The following DNAH6 variants were observed in gnomAD, a reference collection of about 807,000 sequenced individuals.
DNAH6 encodes axonemal beta dynein heavy chain 6.
A neutral mutation model predicts 491.4 loss-of-function variants in DNAH6; 340 were observed. That is an observed-to-expected ratio of 0.69 (90% CI 0.63 to 0.76). The LOEUF is 0.76. DNAH6 is among the 30% of genes least tolerant of loss of function. The pLI is 0.00. For missense variants in DNAH6, 4,443 were observed against 4,972.2 expected, an observed-to-expected ratio of 0.89 and a Z score of 3.20; for synonymous variants, 1,603 against 1,686.1, an observed-to-expected ratio of 0.95 and a Z score of 1.21.
intron 2 of DNAH6, among the ~76,000 whole-genome samples, chr2:84,519,908 T>C (rs1420861455): frequency 6.6e-6 from 1 of 152,106 alleles, no homozygotes; most frequent in Non-Finnish European, 1.5e-5. Flanking sequence ...TAATTGTGTG[T>C]ATTTGTAATA....
intron 11 of DNAH6, among the ~76,000 whole-genome samples, chr2:84,558,676 C>T (rs1680326737): frequency 6.6e-6 from 1 of 152,174 alleles, no homozygotes; most frequent in African/African-American, 2.4e-5. Context: ...CACTCAAATG[C>T]AAGCACTAAC....
chr2:84,624,715 T>C, intron 28 of DNAH6, 95 bp downstream of exon 28: 1 of 1,373,558 alleles, frequency 7.3e-7, no homozygotes. Context: ...CTTGAAAGAA[T>C]TTATTATGAA....
chr2:84,594,912 A>C (rs1684432644), intron 17 of DNAH6, among the ~76,000 whole-genome samples: 1 of 152,196 alleles, frequency 6.6e-6, no homozygotes, highest in Non-Finnish European at 1.5e-5. Flanking sequence ...AATATATGCT[A>C]TAACACCAGA....
intron 26 of DNAH6, 54 bp downstream of exon 26, chr2:84,621,605 T>G: frequency 1.7e-6 from 2 of 1,149,064 alleles, no homozygotes; most frequent in Non-Finnish European, 2.4e-6. Context: ...CTTGGTGGGT[T>G]TTTTTTTAAA....
At chr2:84,461,603 A>G in the DNAH6 span, among the ~76,000 whole-genome samples, 2 of 152,358 alleles carry the variant, frequency 1.3e-5, no homozygotes, top group South Asian at 2.1e-4. Context: ...TCCCTATTTC[A>G]TAAGAGTGTT....
intron 4 of DNAH6, among the ~76,000 whole-genome samples, chr2:84,529,551 A>G (rs1385022853): frequency 9.6e-5 from 1 of 10,388 alleles, no homozygotes; most frequent in Non-Finnish European, 1.4e-4. Flanking sequence ...AGTAGAAATA[A>G]GGATTTTTTT....
rs766203821 is a variant in DNAH6 at position 84,668,810 on chromosome 2, C to CTGTGTGTGTGTGTGTGTGTGTG, written c.6085-453_6085-432dup. On this transcript the variant is annotated intron_variant, in intron 37 of 76. Transcript: ENST00000389394. ...CTGCAAGTAGAAATGAGCCATCCCT[C>CTGTGTGTGTGTGTGTGTGTGTG]TGTGTGTGTGTGTGTGTGTGTGTGT... Among the ~76,000 whole-genome samples the CTGTGTGTGTGTGTGTGTGTGTG allele has an allele frequency of 2.5e-5, 3 of 120,974 alleles. 1 individual carries two copies. The highest frequency in any genetic ancestry group is 5.0e-5 in the Non-Finnish European group (3 of 59,458). The allele number at this position is 120,974 out of a possible 152,430, so 79.4% of individuals were successfully genotyped here.
intron 54 of DNAH6, among the ~76,000 whole-genome samples, chr2:84,707,965 A>G (rs1012471313): frequency 6.6e-6 from 1 of 152,178 alleles, no homozygotes; most frequent in Non-Finnish European, 1.5e-5. Flanking sequence ...ACACAGCTCA[A>G]AAACCTGGGG....
intron 55 of DNAH6, among the ~76,000 whole-genome samples, chr2:84,709,862 A>G (rs1279423546): frequency 1.3e-5 from 2 of 152,186 alleles, no homozygotes; most frequent in African/African-American, 4.8e-5. Flanking sequence ...CCTTGTTCCT[A>G]AAAGGTCTGA....
intron 11 of DNAH6, among the ~76,000 whole-genome samples, chr2:84,568,157 C>T (rs1240395384): frequency 1.3e-5 from 2 of 152,120 alleles, no homozygotes; most frequent in Admixed American, 6.5e-5. Context: ...TTGTGGAAGA[C>T]AGTGTGGTGA....
At chr2:84,473,697 A>G in the DNAH6 span, among the ~76,000 whole-genome samples, 3 of 152,230 alleles carry the variant, frequency 2.0e-5, no homozygotes, top group Non-Finnish European at 2.9e-5. Flanking sequence ...TAAGGTTTCT[A>G]AATTATCTCT....
chr2:84,816,807 A>C (rs954075481), intron 76 of DNAH6, among the ~76,000 whole-genome samples: 2 of 152,224 alleles, frequency 1.3e-5, no homozygotes, highest in African/African-American at 4.8e-5. Context: ...ACAGCCCTGA[A>C]AAAAGAAACC....
At chr2:84,467,309 T>A in the DNAH6 span, among the ~76,000 whole-genome samples, 2 of 152,250 alleles carry the variant, frequency 1.3e-5, no homozygotes, top group African/African-American at 4.8e-5. Context: ...CACATTTTAC[T>A]TTTCTTACAC....
chr2:84,658,367 A>G lies in DNAH6; in HGVS notation c.5833A>G (p.Lys1945Glu). Residue 1945 changes from lysine (K) to glutamate (E), a missense_variant, in exon 36 of 77, where the codon AAA (lysine) becomes GAA (glutamate). Physicochemically the swap from Lys to Glu is moderately conservative, Grantham distance 56. Transcript: ENST00000389394. ...YVDEGLHFIN[K>E]KCSQAIPQVD... ...TGATGAAGGTTTACATTTTATCAAT[A>G]AAAAGTGCAGCCAAGCAATTCCACA... The G allele has an allele frequency of 6.5e-7, 1 of 1,549,096 alleles. No individual in the cohort carries two copies. The highest frequency in any genetic ancestry group is 8.7e-7 in the Non-Finnish European group (1 of 1,145,538).
intron 46 of DNAH6, 43 bp from the exon 47 acceptor site, chr2:84,697,532 A>G (rs1302639801): frequency 1.3e-6 from 2 of 1,487,632 alleles, no homozygotes; most frequent in East Asian, 2.5e-5. Context: ...AATAAATGGA[A>G]AATGATTGAG....
chr2:84,815,573 T>C (rs1177116031), intron 75 of DNAH6, among the ~76,000 whole-genome samples: 2 of 152,184 alleles, frequency 1.3e-5, no homozygotes, highest in Non-Finnish European at 2.9e-5. Flanking sequence ...ATATATAATC[T>C]GTCTTCTAGG....
chr2:84,770,036 C>A (rs933734124), intron 64 of DNAH6, among the ~76,000 whole-genome samples: 3 of 152,062 alleles, frequency 2.0e-5, no homozygotes, highest in African/African-American at 7.2e-5. Context: ...GAAGTCATAC[C>A]CCAAGGCACA....
chr2:84,550,473 C>T (rs1043600267), intron 9 of DNAH6, among the ~76,000 whole-genome samples: 1 of 152,142 alleles, frequency 6.6e-6, no homozygotes, highest in Non-Finnish European at 1.5e-5. Context: ...TGGTCCAAGG[C>T]CCGGGGACTG....
chr2:84,585,534 A>T (rs1683448709), intron 15 of DNAH6, among the ~76,000 whole-genome samples: 1 of 152,016 alleles, frequency 6.6e-6, no homozygotes, highest in Admixed American at 6.6e-5. Context: ...AGCAGAGAGG[A>T]GGCCCTGGAA....
Sources: gnomAD v4.1 joint callset for allele counts (sites outside exome capture counted in the v4.1 genomes callset) on GRCh38, gnomAD v4.1.1 for gene constraint, MANE v1.5 for transcripts, NCBI Gene and HGNC (gene_info 2026-07-23, HGNC 2026-07-21) for gene names.